CCDC146: variants seen among roughly 807,000 people sequenced by gnomAD.
The protein encoded by CCDC146 is coiled-coil domain-containing protein 146.
In CCDC146, 92 loss-of-function variants were observed where a neutral mutation model predicts 119.3. The ratio of observed to expected loss-of-function variants is 0.77; its 90% CI spans 0.65 to 0.92. The LOEUF (loss-of-function observed/expected upper bound fraction) is 0.92, where lower values mean the gene tolerates loss of function less well. CCDC146 is among the 40% of genes least tolerant of loss of function. The pLI is 0.00. For missense variants in CCDC146, 1,000 were observed against 1,103.0 expected, an observed-to-expected ratio of 0.91 and a Z score of 1.32; for synonymous variants, 372 against 371.8, an observed-to-expected ratio of 1.00 and a Z score of -0.01.
At chr7:77,177,809 C>T (rs1347549876) in intron 2 of CCDC146, among the ~76,000 whole-genome samples, 3 of 152,168 alleles carry the variant, frequency 2.0e-5, no homozygotes, top group Non-Finnish European at 4.4e-5. Flanking sequence ...CTTCAGACAT[C>T]CAGGCACCCT....
intron 1 of CCDC146, among the ~76,000 whole-genome samples, chr7:77,160,805 G>C (rs1020719529): frequency 3.9e-5 from 6 of 152,056 alleles, no homozygotes; most frequent in Non-Finnish European, 8.8e-5. Flanking sequence ...TTAAACTAAA[G>C]AGCTTCTGCA....
At chr7:77,191,211 T>C (rs975773475) in intron 2 of CCDC146, among the ~76,000 whole-genome samples, 2 of 152,200 alleles carry the variant, frequency 1.3e-5, no homozygotes, top group African/African-American at 4.8e-5. Flanking sequence ...TGTTACATGG[T>C]ATGTTGTTTT....
chr7:77,141,775 T>G (rs1336605995), intron 1 of CCDC146, among the ~76,000 whole-genome samples: 11 of 152,216 alleles, frequency 7.2e-5, no homozygotes, highest in Non-Finnish European at 4.4e-5. Flanking sequence ...GTTTTTTTCT[T>G]GTAAATTTGT....
At chr7:77,249,013 T>C (rs772281133) in intron 4 of CCDC146, among the ~76,000 whole-genome samples, 1 of 152,160 alleles carries the variant, frequency 6.6e-6, no homozygotes, top group Non-Finnish European at 1.5e-5. Context: ...GTATATCCAA[T>C]TGATTGATGG....
chr7:77,167,346 A>G (rs915032039), intron 1 of CCDC146, among the ~76,000 whole-genome samples: 2 of 152,116 alleles, frequency 1.3e-5, no homozygotes, highest in Non-Finnish European at 2.9e-5. Context: ...GTCTAGGCTG[A>G]TACTGACTTG....
intron 2 of CCDC146, among the ~76,000 whole-genome samples, chr7:77,226,168 T>C (rs1366581931): frequency 6.6e-6 from 1 of 152,214 alleles, no homozygotes; most frequent in Non-Finnish European, 1.5e-5. Context: ...TCAATGCATT[T>C]GGAAACTACT....
At chr7:77,269,189 A>C (rs1289370875) in intron 9 of CCDC146, among the ~76,000 whole-genome samples, 1 of 152,046 alleles carries the variant, frequency 6.6e-6, no homozygotes, top group Non-Finnish European at 1.5e-5. Flanking sequence ...ACTTGCTAAA[A>C]GAGAAATTTC....
intron 2 of CCDC146, among the ~76,000 whole-genome samples, chr7:77,175,650 T>C (rs1050912097): frequency 6.6e-6 from 1 of 151,322 alleles, no homozygotes; most frequent in Non-Finnish European, 1.5e-5. Context: ...TTGATGAGTA[T>C]TAAGATGTCA....
intron 4 of CCDC146, among the ~76,000 whole-genome samples, chr7:77,253,836 A>C (rs1415391542): frequency 6.6e-6 from 1 of 152,230 alleles, no homozygotes; most frequent in Non-Finnish European, 1.5e-5. Flanking sequence ...TGAGCTATGC[A>C]AAGATCTGTG....
chr7:77,235,645 C>A (rs543276783), intron 2 of CCDC146, among the ~76,000 whole-genome samples: 1 of 152,124 alleles, frequency 6.6e-6, no homozygotes, highest in Non-Finnish European at 1.5e-5. Flanking sequence ...CATAACATAA[C>A]CTTGTCTGAT....
intron 1 of CCDC146, among the ~76,000 whole-genome samples, chr7:77,156,873 G>T (rs1791185683): frequency 1.3e-5 from 2 of 151,328 alleles, no homozygotes; most frequent in Admixed American, 1.3e-4. Flanking sequence ...AAATTTTATA[G>T]ACTTTTTATG....
rs771850075 is a variant in CCDC146, at chr7:77,132,755, CAAAT to C, written c.-12+10039_-12+10042del. Among the ~76,000 whole-genome samples, 46 of 150,780 alleles carry C rather than the reference CAAAT, an allele frequency of 3.1e-4. 1 individual carries two copies. The highest frequency in any genetic ancestry group is 2.2e-3 in the Admixed American group (33 of 15,154). On this transcript the variant is annotated intron_variant, in intron 1 of 18. Transcript: ENST00000285871. ...CTGTCTTAAAAAATAAGTAAATAAA[CAAAT>C]AAATAAATAAATAAACAAATAAAAT... is the stretch of plus-strand genomic sequence containing the variant.
At chr7:77,238,664 G>A (rs1231863901) in intron 3 of CCDC146, among the ~76,000 whole-genome samples, 3 of 152,084 alleles carry the variant, frequency 2.0e-5, no homozygotes, top group African/African-American at 7.2e-5. Context: ...TGATCCTCAC[G>A]CCTCGGCCTC....
At chr7:77,126,364 C>A (rs1790689664) in intron 1 of CCDC146, among the ~76,000 whole-genome samples, 1 of 152,014 alleles carries the variant, frequency 6.6e-6, no homozygotes, top group African/African-American at 2.4e-5. Context: ...GGCCACAGCA[C>A]CTTTGCCCGA....
At position 77,262,195 on chromosome 7, in the gene CCDC146, A is replaced by T; in HGVS notation, c.1061A>T (p.Gln354Leu). The change falls in exon 9 of 19, where the codon CAA becomes CTA. Residue 354 changes from glutamine (Q) to leucine (L), a missense_variant. By Grantham distance (113) the Gln-to-Leu change is moderately radical. Coordinates refer to ENST00000285871, the MANE Select transcript of CCDC146 (RefSeq NM_020879.3). ...TACCATGATGAACTTTCTCGTAAGC[A>T]AAGAGAGAAAGAACGAGATTTTCGA... ...QNYHDELSRK[Q>L]REKERDFRNL... The T allele has an allele frequency of 1.2e-6, 2 of 1,613,912 alleles. No homozygotes were observed. Among genetic ancestry groups the T allele is most frequent in the Non-Finnish European group, 1.7e-6 (2 of 1,179,844 alleles).
At chr7:77,232,472 C>A (rs765987703) in intron 2 of CCDC146, among the ~76,000 whole-genome samples, 1 of 152,214 alleles carries the variant, frequency 6.6e-6, no homozygotes, top group Non-Finnish European at 1.5e-5. Context: ...AACTATTAGC[C>A]TACTCTGTTA....
intron 2 of CCDC146, among the ~76,000 whole-genome samples, chr7:77,202,385 C>T (rs924336167): frequency 2.0e-5 from 3 of 152,202 alleles, no homozygotes; most frequent in African/African-American, 7.2e-5. Flanking sequence ...GCTTTTGGTT[C>T]ATCTGTTTGA....
chr7:77,143,070 G>T (rs536427104), intron 1 of CCDC146, among the ~76,000 whole-genome samples: 1 of 151,908 alleles, frequency 6.6e-6, no homozygotes, highest in East Asian at 1.9e-4. Flanking sequence ...ATCCTCTCCA[G>T]CACCTGTTGT....
intron 1 of CCDC146, among the ~76,000 whole-genome samples, chr7:77,157,692 T>G (rs968195652): frequency 6.6e-6 from 1 of 152,220 alleles, no homozygotes; most frequent in Non-Finnish European, 1.5e-5. Flanking sequence ...GGTACTGCCT[T>G]GCCTCCTTCC....
Sources: gnomAD v4.1 joint callset for allele counts (sites outside exome capture counted in the v4.1 genomes callset) on GRCh38, gnomAD v4.1.1 for gene constraint, MANE v1.5 for transcripts, NCBI Gene and HGNC (gene_info 2026-07-23, HGNC 2026-07-21) for gene names.